The following ASTN1 variants were observed in gnomAD, a reference collection of about 807,000 sequenced individuals.
ASTN1 encodes the protein astrotactin 1.
In ASTN1, 41 loss-of-function variants were observed where a neutral mutation model predicts 140.7. The observed-to-expected ratio is 0.29, with a 90% confidence interval of 0.23 to 0.38. The LOEUF is 0.38. Ranked by LOEUF, ASTN1 falls within the 10% of genes least tolerant of loss-of-function variation. The probability of loss-of-function intolerance (pLI) is 1.00; values close to 1 mark genes in which losing one functional copy is unlikely to be tolerated. For missense variants in ASTN1, 1,479 were observed against 1,678.8 expected (o/e 0.88, Z 2.08); for synonymous variants, 640 against 652.2 (o/e 0.98, Z 0.29).
chr1:176,956,920 C>G (rs6687812), intron 11 of ASTN1, among the ~76,000 whole-genome samples: 1 of 152,040 alleles, frequency 6.6e-6, no homozygotes, highest in Non-Finnish European at 1.5e-5. Flanking sequence ...TTTTAAGAGA[C>G]AGGGTCTCAC....
intron 11 of ASTN1, among the ~76,000 whole-genome samples, chr1:176,950,757 C>G (rs1672158978): frequency 6.6e-6 from 1 of 152,086 alleles, no homozygotes; most frequent in Non-Finnish European, 1.5e-5. Flanking sequence ...AGATCTGACT[C>G]CAATGCTGGG....
intron 1 of ASTN1, among the ~76,000 whole-genome samples, chr1:177,135,008 T>C (rs1682122682): frequency 6.6e-6 from 1 of 152,168 alleles, no homozygotes; most frequent in African/African-American, 2.4e-5. Flanking sequence ...TTCCTTCTCC[T>C]GTCCTCAATG....
At position 176,995,419 on chromosome 1, in the gene ASTN1, T is replaced by C. The variant is rs541696796; in HGVS notation, c.1523+19372A>G. ...GGTATCTCAGATGAGACTATCTGCA[T>C]GCAGATTTTAACAGTAAGTAGAAAG... On this transcript the variant is annotated intron_variant, in intron 8 of 22. Transcript: ENST00000361833. 2.6e-5 allele frequency among the ~76,000 whole-genome samples: 4 copies of C among 152,322 alleles called. No individual in the cohort carries two copies. The South Asian group carries it at 6.2e-4, about 24-fold the overall frequency.
intron 17 of ASTN1, among the ~76,000 whole-genome samples, chr1:176,889,268 G>T (rs1669167249): frequency 6.6e-6 from 1 of 152,188 alleles, no homozygotes; most frequent in Admixed American, 6.5e-5. Context: ...GGAGGGAGAG[G>T]GTGGGACTGG....
intron 1 of ASTN1, among the ~76,000 whole-genome samples, chr1:177,146,026 A>T (rs549070314): frequency 2.6e-5 from 4 of 152,310 alleles, no homozygotes; most frequent in Non-Finnish European, 5.9e-5. Flanking sequence ...AGAAATTTTT[A>T]AAATATTTAC....
intron 1 of ASTN1, among the ~76,000 whole-genome samples, chr1:177,122,452 T>C (rs1681448134): frequency 6.6e-6 from 1 of 152,176 alleles, no homozygotes; most frequent in African/African-American, 2.4e-5. Context: ...AATGTGGCAG[T>C]AGAGAAGAGC....
intron 8 of ASTN1, among the ~76,000 whole-genome samples, chr1:177,006,536 C>G (rs936495577): frequency 6.6e-6 from 1 of 152,074 alleles, no homozygotes; most frequent in African/African-American, 2.4e-5. Flanking sequence ...CCCATGCATG[C>G]AGTAGAATAT....
intron 16 of ASTN1, among the ~76,000 whole-genome samples, chr1:176,929,994 C>G (rs983876778): frequency 6.6e-6 from 1 of 152,044 alleles, no homozygotes; most frequent in Admixed American, 6.5e-5. Flanking sequence ...GGCAACAGAG[C>G]AAGACTCCGT....
intron 17 of ASTN1, among the ~76,000 whole-genome samples, chr1:176,894,286 G>T (rs1002761010): frequency 1.3e-5 from 2 of 152,220 alleles, no homozygotes; most frequent in Non-Finnish European, 2.9e-5. Context: ...GATGGCAAAT[G>T]TTGTGCCTCC....
At chr1:176,985,297 A>G (rs1389208158) in intron 8 of ASTN1, among the ~76,000 whole-genome samples, 5 of 151,586 alleles carry the variant, frequency 3.3e-5, no homozygotes, top group Non-Finnish European at 5.9e-5. Flanking sequence ...CTCCACCCGC[A>G]CCTCTGTGGT....
chr1:176,886,996 T>C (rs1040937394), intron 18 of ASTN1, among the ~76,000 whole-genome samples: 4 of 152,212 alleles, frequency 2.6e-5, no homozygotes. Flanking sequence ...CTTGGCCAGT[T>C]CTGTTTCGTC....
At chr1:176,922,590 T>C (rs1571513955) in intron 16 of ASTN1, among the ~76,000 whole-genome samples, 2 of 121,394 alleles carry the variant, frequency 1.6e-5, no homozygotes, top group Admixed American at 1.6e-4. Context: ...AATTCTCACA[T>C]GGGTGGGAGA....
intron 22 of ASTN1, 40 bp from the exon 23 acceptor site, chr1:176,864,561 G>T (rs1668070056): frequency 1.9e-6 from 3 of 1,604,608 alleles, no homozygotes; most frequent in Non-Finnish European, 2.6e-6. Context: ...TTAGAAAGAA[G>T]AGAGGGTCTG....
chr1:177,048,032 A>G (rs898920814), intron 2 of ASTN1, among the ~76,000 whole-genome samples: 2 of 152,212 alleles, frequency 1.3e-5, no homozygotes, highest in Non-Finnish European at 2.9e-5. Context: ...ATGCACTTAC[A>G]GTATTATACA....
In ASTN1 at chr1:176,929,210, G is replaced by A. The variant is rs552779380; in HGVS notation, c.2671+4942C>T. ...CCCATAGTCCTAATCTCTAGAACCT[G>A]TGAATGGCAAAGGAGAGCTTGCAAA... On this transcript the variant is annotated intron_variant, in intron 16 of 22. Transcript: ENST00000361833. Among the ~76,000 whole-genome samples the A allele has an allele frequency of 1.2e-4, 19 of 152,328 alleles. 1 individual carries two copies. The South Asian group carries it at 3.7e-3, about 30-fold the overall frequency.
intron 2 of ASTN1, among the ~76,000 whole-genome samples, chr1:177,038,337 G>T (rs1558050434): frequency 6.6e-6 from 1 of 152,198 alleles, no homozygotes; most frequent in Non-Finnish European, 1.5e-5. Context: ...ACTATAGGGG[G>T]CAGGGGCCAT....
intron 1 of ASTN1, among the ~76,000 whole-genome samples, chr1:177,085,119 C>A (rs1357074041): frequency 1.3e-5 from 2 of 152,154 alleles, no homozygotes; most frequent in Non-Finnish European, 2.9e-5. Flanking sequence ...CTAGTCCATA[C>A]CAGACACTAT....
intron 21 of ASTN1, among the ~76,000 whole-genome samples, chr1:176,875,142 C>G (rs1309184484): frequency 6.6e-6 from 1 of 152,110 alleles, no homozygotes; most frequent in East Asian, 1.9e-4. Context: ...GGAAGGAACA[C>G]TTGATCTGAG....
chr1:176,894,591 C>T lies in ASTN1; in HGVS notation c.2911G>A (p.Glu971Lys). 1 of 1,614,082 alleles carries T rather than the reference C, an allele frequency of 6.2e-7. No individual in the cohort carries two copies. Residue 971 changes from glutamate to lysine, a missense_variant, in exon 17 of 23, where the codon GAA (glutamate) becomes AAA (lysine). Glu to Lys is a moderately conservative substitution (Grantham distance 56). Around this residue, in one of 3 missense-constraint regions of ASTN1, gnomAD observed 746 missense variants for 800.9 expected, o/e 0.93. Transcript: ENST00000361833. ...LEVTKAAPIYELVTNNQTQRL... is the reference protein window; with the variant it reads ...LEVTKAAPIYKLVTNNQTQRL... ...TGGGTCTGGTTGTTGGTCACTAGTT[C>T]ATAGATGGGGGCTGCTTTGGTCACC...
Sources: gnomAD v4.1 joint callset for allele counts (sites outside exome capture counted in the v4.1 genomes callset) on GRCh38, gnomAD v4.1.1 for gene constraint, gnomAD v4.1.1 regional missense constraint, MANE v1.5 for transcripts, NCBI Gene and HGNC (gene_info 2026-07-23, HGNC 2026-07-21) for gene names.